Variants in PTPRD observed in about 807,000 individuals in gnomAD.
PTPRD encodes the protein protein tyrosine phosphatase receptor type D, also known as receptor-type tyrosine-protein phosphatase delta.
PTPRD carries 34 observed loss-of-function variants against 214.5 expected under a neutral mutation model. That is an observed-to-expected ratio of 0.16 (90% CI 0.12 to 0.21). PTPRD has a LOEUF of 0.21. Ranked by LOEUF, PTPRD falls within the 10% of genes least tolerant of loss-of-function variation. PTPRD has a pLI of 1.00. For synonymous variants in PTPRD, 1,128 were observed against 845.7 expected, an observed-to-expected ratio of 1.33 and a Z score of -5.79; for missense variants, 2,545 against 2,398.7, an observed-to-expected ratio of 1.06 and a Z score of -1.27.
Position 8,733,956 on chromosome 9 carries a change from G to T in PTPRD, c.-103-10C>A. 9.5e-7 allele frequency: 1 copy of T among 1,055,814 alleles called. No individual in the cohort carries two copies. Among genetic ancestry groups the T allele is most frequent in the Admixed American group, 2.1e-5 (1 of 47,544 alleles). 65.4% of individuals were successfully genotyped at this position (1,055,814 alleles called of 1,614,324 possible). The stretch of plus-strand genomic sequence containing the variant: ...GGAACACTTTCAGAGCCTGAAAGCG[G>T]GGAGGAAGAGAAAAGAAAAGGAAGA... On this transcript the variant is annotated splice_polypyrimidine_tract_variant and intron_variant, in intron 11 of 45. Transcript: ENST00000381196.
chr9:8,629,594 G>A (rs974944514), intron 14 of PTPRD, among the ~76,000 whole-genome samples: 1 of 151,778 alleles, frequency 6.6e-6, no homozygotes, highest in Non-Finnish European at 1.5e-5. Context: ...TTAAGGCACA[G>A]TCCTTAGTAG....
intron 34 of PTPRD, among the ~76,000 whole-genome samples, chr9:8,443,513 C>A (rs1042853472): frequency 2.0e-5 from 3 of 152,106 alleles, no homozygotes; most frequent in East Asian, 3.9e-4. Context: ...TTTTCACAGC[C>A]CATCAATCAC....
intron 3 of PTPRD, among the ~76,000 whole-genome samples, chr9:10,326,438 T>A (rs1034343247): frequency 2.6e-5 from 4 of 151,700 alleles, no homozygotes; most frequent in African/African-American, 9.7e-5. Flanking sequence ...GATAGAAAAA[T>A]AATAGAAATT....
chr9:10,248,267 G>A (rs992058716), intron 3 of PTPRD, among the ~76,000 whole-genome samples: 5 of 152,008 alleles, frequency 3.3e-5, no homozygotes, highest in African/African-American at 9.7e-5. Flanking sequence ...GTTTTTTGGG[G>A]TGATCCTAAG....
chr9:8,940,066 G>GAAA (rs35415741), intron 11 of PTPRD, among the ~76,000 whole-genome samples: 35 of 147,502 alleles, frequency 2.4e-4, no homozygotes, highest in African/African-American at 8.4e-4. Context: ...AATAAGTTTG[G>GAAA]AAAAAAAAAA....
intron 9 of PTPRD, among the ~76,000 whole-genome samples, chr9:9,295,495 G>A (rs1186735531): frequency 6.6e-6 from 1 of 151,672 alleles, no homozygotes; most frequent in Non-Finnish European, 1.5e-5. Context: ...CAGCTGTTTT[G>A]AAAGTACATG....
At chr9:9,703,132 T>TTC (rs1332479854) in intron 7 of PTPRD, among the ~76,000 whole-genome samples, 1 of 152,098 alleles carries the variant, frequency 6.6e-6, no homozygotes, top group Non-Finnish European at 1.5e-5. Context: ...CGATGGTGAC[T>TTC]TCTCATGAAA....
At chr9:8,948,531 T>TTATATATATTTA (rs2099083775) in intron 11 of PTPRD, among the ~76,000 whole-genome samples, 1 of 30,076 alleles carries the variant, frequency 3.3e-5, no homozygotes, top group African/African-American at 9.1e-5. Context: ...ATATATATAT[T>TTATATATATTTA]TATATATATA....
At chr9:9,751,227 C>T (rs2098515805) in intron 6 of PTPRD, among the ~76,000 whole-genome samples, 1 of 152,090 alleles carries the variant, frequency 6.6e-6, no homozygotes, top group Non-Finnish European at 1.5e-5. Flanking sequence ...CCTAGGATTA[C>T]TATAAGTCCC....
At chr9:10,347,260 A>G (rs773435432) in intron 2 of PTPRD, among the ~76,000 whole-genome samples, 20 of 151,798 alleles carry the variant, frequency 1.3e-4, no homozygotes, top group Non-Finnish European at 2.6e-4. Flanking sequence ...TCCTCCATGT[A>G]TTTTTCCTCT....
intron 2 of PTPRD, among the ~76,000 whole-genome samples, chr9:10,599,978 T>C (rs1375678081): frequency 6.6e-6 from 1 of 151,834 alleles, no homozygotes; most frequent in Non-Finnish European, 1.5e-5. Flanking sequence ...ATTGATAATA[T>C]TGACATTTTC....
rs762383558 is a variant in PTPRD, at chr9:8,492,911, T to G, written c.2418A>C (p.Lys806Asn). ...YSLTVTAYTT[K>N]GDGARSKPKL... Reference sequence around the variant, plus strand: ...TGGGCTTGCTGCGAGCACCATCTCCTTTGGTTGTGTAGGCTGTGACGGTGA... The same window carrying G: ...TGGGCTTGCTGCGAGCACCATCTCCGTTGGTTGTGTAGGCTGTGACGGTGA... Residue 806 changes from lysine to asparagine, a missense_variant, in exon 27 of 46, where the codon AAA becomes AAC. Lys to Asn is a moderately conservative substitution (Grantham distance 94). Transcript: ENST00000381196. 10 of 1,613,778 alleles carry G rather than the reference T, an allele frequency of 6.2e-6. No homozygotes were observed.
intron 9 of PTPRD, among the ~76,000 whole-genome samples, chr9:9,324,834 G>A (rs567974508): frequency 6.6e-6 from 1 of 152,014 alleles, no homozygotes; most frequent in Non-Finnish European, 1.5e-5. Context: ...GGTCTAACAT[G>A]TAAGTCTTTA....
intron 5 of PTPRD, among the ~76,000 whole-genome samples, chr9:9,767,954 G>A (rs2098719978): frequency 6.6e-6 from 1 of 152,104 alleles, no homozygotes; most frequent in African/African-American, 2.4e-5. Flanking sequence ...AGGTTACTGT[G>A]TGTTCTAGAA....
At chr9:8,651,886 T>C (rs534166554) in intron 12 of PTPRD, among the ~76,000 whole-genome samples, 1 of 152,340 alleles carries the variant, frequency 6.6e-6, no homozygotes, top group East Asian at 1.9e-4. Context: ...TACACGAATA[T>C]TCTTGAAACA....
At chr9:8,698,522 A>G (rs181269968) in intron 12 of PTPRD, among the ~76,000 whole-genome samples, 1 of 152,150 alleles carries the variant, frequency 6.6e-6, no homozygotes, top group Non-Finnish European at 1.5e-5. Context: ...TTCTTCAGTC[A>G]TTTTCTGTTG....
At chr9:9,788,428 T>C (rs2098942128) in intron 5 of PTPRD, among the ~76,000 whole-genome samples, 1 of 150,946 alleles carries the variant, frequency 6.6e-6, no homozygotes, top group Admixed American at 6.6e-5. Context: ...GGCAGGCGCC[T>C]GTAGTCCCAG....
intron 11 of PTPRD, among the ~76,000 whole-genome samples, chr9:8,921,348 G>C (rs1033882788): frequency 7.2e-5 from 11 of 152,082 alleles, no homozygotes; most frequent in African/African-American, 2.7e-4. Context: ...TCACACACAT[G>C]ACTATCCAAT....
At chr9:9,176,712 CA>C in intron 10 of PTPRD, among the ~76,000 whole-genome samples, 1 of 152,124 alleles carries the variant, frequency 6.6e-6, no homozygotes, top group East Asian at 1.9e-4. Context: ...GTTCTGTCCC[CA>C]TTTACTCTTT....
Sources: allele counts gnomAD v4.1 joint callset (sites outside exome capture counted in the v4.1 genomes callset), GRCh38; gene constraint gnomAD v4.1.1; transcripts MANE v1.5; gene names NCBI Gene and HGNC (gene_info 2026-07-23, HGNC 2026-07-21).